The following SH3BGRL variants were observed in gnomAD, a reference collection of about 807,000 sequenced individuals.
SH3BGRL encodes SH3 domain binding glutamate rich protein like.
SH3BGRL carries 7 observed loss-of-function variants against 9.8 expected under a neutral mutation model. That is an observed-to-expected ratio of 0.72 (90% CI 0.41 to 1.35). The LOEUF is 1.35. Ranked by LOEUF, SH3BGRL falls within the 40% of genes most tolerant of loss-of-function variation. The probability of loss-of-function intolerance (pLI) is 0.01; values close to 1 mark genes in which losing one functional copy is unlikely to be tolerated. For missense variants in SH3BGRL, 73 were observed against 84.4 expected (o/e 0.86, Z 0.53); for synonymous variants, 36 against 29.1 (o/e 1.24, Z -0.76).
chrX:81,272,121 CG>C (rs1218778397), intron 1 of SH3BGRL, among the ~76,000 whole-genome samples: 1 of 102,384 alleles, frequency 9.8e-6, no homozygotes, highest in Non-Finnish European at 2.0e-5. Context: ...GGCATGAACC[CG>C]GGAGGCAGAG....
intron 1 of SH3BGRL, among the ~76,000 whole-genome samples, chrX:81,231,625 C>A (rs994382080): frequency 6.2e-5 from 7 of 112,269 alleles, no homozygotes; most frequent in Non-Finnish European, 1.3e-4. Context: ...CTAACTCTTA[C>A]TAACCAATAG....
At chrX:81,257,276 G>T (rs2075728204) in intron 1 of SH3BGRL, among the ~76,000 whole-genome samples, 1 of 112,350 alleles carries the variant, frequency 8.9e-6, no homozygotes, top group Non-Finnish European at 1.9e-5. Flanking sequence ...GAGACTCAGA[G>T]AAGTTAATCA....
intron 1 of SH3BGRL, among the ~76,000 whole-genome samples, chrX:81,249,614 C>T (rs982751603): frequency 1.8e-4 from 20 of 112,055 alleles, no homozygotes; most frequent in Non-Finnish European, 3.6e-4. Flanking sequence ...CCTATGGTTT[C>T]CCTTTTTATG....
intron 1 of SH3BGRL, among the ~76,000 whole-genome samples, chrX:81,251,728 AG>A: frequency 8.9e-6 from 1 of 112,354 alleles, no homozygotes; most frequent in Middle Eastern, 4.6e-3. Context: ...ATTCTAAAAC[AG>A]AAACAATATT....
intron 1 of SH3BGRL, among the ~76,000 whole-genome samples, chrX:81,254,992 C>T (rs1014089782): frequency 2.8e-5 from 3 of 107,870 alleles, no homozygotes; most frequent in South Asian, 4.1e-4. Context: ...TGGGTTCAAG[C>T]GATTCTCCTG....
chrX:81,288,253 G>A (rs1200492210), intron 3 of SH3BGRL, among the ~76,000 whole-genome samples: 1 of 111,807 alleles, frequency 8.9e-6, no homozygotes, highest in Non-Finnish European at 1.9e-5. Flanking sequence ...TAAGATAAAA[G>A]CCATCAAAAA....
chrX:81,262,334 T>A (rs1241542528), intron 1 of SH3BGRL, among the ~76,000 whole-genome samples: 1 of 111,871 alleles, frequency 8.9e-6, no homozygotes, highest in Non-Finnish European at 1.9e-5. Flanking sequence ...TGCTATAATA[T>A]GCCCTATGAC....
rs569596235 is a variant in SH3BGRL, at chrX:81,213,844, A to G, written c.45+11599A>G. On this transcript the variant is annotated intron_variant, in intron 1 of 3. Coordinates refer to ENST00000373212, the MANE Select transcript of SH3BGRL (RefSeq NM_003022.3). ...ATTCAAGTGCAAAACAGGCCACCCA[A>G]GTGGAGATTTGCAGCTGCTAGATGG... Among the ~76,000 whole-genome samples the G allele has an allele frequency of 5.4e-4, 61 of 112,184 alleles. 1 individual carries two copies. In the South Asian group the frequency reaches 0.021, roughly 39 times the overall value.
chrX:81,292,552 G>A (rs1021834837), intron 3 of SH3BGRL, among the ~76,000 whole-genome samples: 1 of 112,398 alleles, frequency 8.9e-6, no homozygotes, highest in African/African-American at 3.2e-5. Flanking sequence ...TTTCTTTATT[G>A]TCTTGGCTAT....
At chrX:81,211,483 A>G (rs1359689411) in intron 1 of SH3BGRL, among the ~76,000 whole-genome samples, 1 of 110,565 alleles carries the variant, frequency 9.0e-6, no homozygotes, top group Non-Finnish European at 1.9e-5. Flanking sequence ...GCTACTCGGG[A>G]GGCTGAGGCA....
chrX:81,202,459 G>C, intron 1 of SH3BGRL: 2 of 992,820 alleles, frequency 2.0e-6, no homozygotes, highest in Non-Finnish European at 2.5e-6. Context: ...TTTGCTTCGT[G>C]ACGTTGGGGG....
At chrX:81,213,684 A>G (rs1254205632) in intron 1 of SH3BGRL, among the ~76,000 whole-genome samples, 1 of 112,107 alleles carries the variant, frequency 8.9e-6, no homozygotes, top group African/African-American at 3.2e-5. Flanking sequence ...GAATAGTACT[A>G]TTTCAAAATT....
chrX:81,204,822 A>AAAAAC (rs1163414702), intron 1 of SH3BGRL, among the ~76,000 whole-genome samples: 9 of 112,586 alleles, frequency 8.0e-5, no homozygotes, highest in South Asian at 3.7e-4. Flanking sequence ...ACTTTCTCTC[A>AAAAAC]AAAACAAAAC....
At chrX:81,206,900 G>A (rs1178438728) in intron 1 of SH3BGRL, among the ~76,000 whole-genome samples, 1 of 112,200 alleles carries the variant, frequency 8.9e-6, no homozygotes, top group Non-Finnish European at 1.9e-5. Flanking sequence ...CTTCCAAGTA[G>A]TCTGTCTATA....
At chrX:81,209,120 G>C (rs1234143589) in intron 1 of SH3BGRL, among the ~76,000 whole-genome samples, 1 of 105,082 alleles carries the variant, frequency 9.5e-6, no homozygotes, top group Non-Finnish European at 1.9e-5. Context: ...CGATCTTCCT[G>C]CTTCAACCTC....
At chrX:81,236,987 C>T in intron 1 of SH3BGRL, 1 of 460,524 alleles carries the variant, frequency 2.2e-6, no homozygotes, top group Non-Finnish European at 3.1e-6. Context: ...GGCAAGGAAC[C>T]TTCAGTAAGA....
At chrX:81,225,273 T>A (rs919926589) in intron 1 of SH3BGRL, among the ~76,000 whole-genome samples, 4 of 111,427 alleles carry the variant, frequency 3.6e-5, no homozygotes, top group African/African-American at 6.5e-5. Context: ...AGATTATTTA[T>A]ATATTTTCTT....
intron 2 of SH3BGRL, among the ~76,000 whole-genome samples, 165 bp downstream of exon 2, chrX:81,277,334 T>G (rs1036862259): frequency 3.6e-5 from 4 of 112,431 alleles, no homozygotes; most frequent in African/African-American, 1.3e-4. Context: ...ATGGCTACAT[T>G]TTCTAAATAT....
chrX:81,278,444 C>A (rs1307081436), intron 3 of SH3BGRL, 33 bp downstream of exon 3: 2 of 890,117 alleles, frequency 2.2e-6, no homozygotes, highest in Admixed American at 2.9e-5. Context: ...TTTTATAGGT[C>A]ATTTTATTGC....
Sources: allele counts gnomAD v4.1 joint callset (sites outside exome capture counted in the v4.1 genomes callset), GRCh38; gene constraint gnomAD v4.1.1; transcripts MANE v1.5; gene names NCBI Gene and HGNC (gene_info 2026-07-23, HGNC 2026-07-21).